Variants in ARHGAP9 observed in about 807,000 individuals in gnomAD.
ARHGAP9 encodes the protein Rho GTPase activating protein 9, also known as rho GTPase-activating protein 9.
Under a neutral mutation model 87.3 loss-of-function variants are expected in ARHGAP9, and 76 were observed. The observed-to-expected ratio is 0.87, with a 90% CI of 0.72 to 1.05. The LOEUF is 1.05. Among genes scored for constraint, ARHGAP9 ranks in the 50% least tolerant of loss-of-function variants. ARHGAP9 has a pLI of 0.00. For synonymous variants in ARHGAP9, 382 were observed against 394.9 expected (o/e 0.97, Z 0.39); for missense variants, 941 against 960.5 (o/e 0.98, Z 0.27).
At chr12:57,476,738 A>T (rs966319517) in intron 6 of ARHGAP9, 87 bp from the exon 7 acceptor site, 1 of 1,552,976 alleles carries the variant, frequency 6.4e-7, no homozygotes, top group Admixed American at 1.7e-5. Context: ...CCAGGAGTGA[A>T]GTCCCTTAAA....
At chr12:57,476,195 C>T (rs544002494) in intron 8 of ARHGAP9, 29 bp from the exon 9 acceptor site, 38 of 1,524,320 alleles carry the variant, frequency 2.5e-5, no homozygotes, top group African/African-American at 4.1e-5. Flanking sequence ...ACTGAGGCCA[C>T]GGTGTTGTTT....
chr12:57,479,262 C>A lies in ARHGAP9; in HGVS notation c.145G>T (p.Asp49Tyr). Residue 49 changes from aspartate to tyrosine, a missense_variant, in exon 2 of 18, where the codon GAT (aspartate) becomes TAT (tyrosine). Asp to Tyr is a radical substitution (Grantham distance 160). Transcript: ENST00000393791. ...DGQQVSLAEG[D>Y]RFLLLRKTNS... is the part of the protein sequence containing the mutation. ...GTCTTTCGAAGCAGTAGGAACCTAT[C>A]CCCTTCAGCCAGAGACACCTGCTGG... The A allele has an allele frequency of 6.2e-7, 1 of 1,614,226 alleles. No homozygotes were observed. The highest frequency in any genetic ancestry group is 2.2e-5 in the East Asian group (1 of 44,886).
At chr12:57,483,065 C>T (rs1875147754), upstream of ARHGAP9, among the ~76,000 whole-genome samples, 1 of 150,412 alleles carries the variant, frequency 6.6e-6, no homozygotes, top group Admixed American at 6.6e-5. Flanking sequence ...TGCCACTGCG[C>T]TCCAGCCTGG....
At chr12:57,485,222 C>T (rs765237777) in intron 1 of ARHGAP9, among the ~76,000 whole-genome samples, 1 of 151,304 alleles carries the variant, frequency 6.6e-6, no homozygotes, top group East Asian at 2.0e-4. Context: ...GCTAGGATTA[C>T]AGGCATGAAC....
At chr12:57,481,921 G>A (rs1471899309), upstream of ARHGAP9, among the ~76,000 whole-genome samples, 1 of 152,058 alleles carries the variant, frequency 6.6e-6, no homozygotes, top group Non-Finnish European at 1.5e-5. Context: ...TCTCTCCCCA[G>A]CTCAAATGAT....
At chr12:57,481,552 C>T (rs2139969632), upstream of ARHGAP9, among the ~76,000 whole-genome samples, 1 of 152,232 alleles carries the variant, frequency 6.6e-6, no homozygotes, top group South Asian at 2.1e-4. Context: ...AGTCCAGCCT[C>T]TCTCTTTCTT....
intron 10 of ARHGAP9, 103 bp downstream of exon 10, chr12:57,475,730 T>C (rs564363769): frequency 2.0e-6 from 3 of 1,492,726 alleles, no homozygotes; most frequent in African/African-American, 3.7e-5. Flanking sequence ...GGCTCTCCAC[T>C]GAGCCCACCC....
Position 57,475,909 on chromosome 12 carries a change from T to C in ARHGAP9, c.1235A>G (p.Glu412Gly). Residue 412 changes from glutamate (E) to glycine (G), a missense_variant, in exon 10 of 18, where the codon GAG becomes GGG. Glu to Gly is a moderately conservative substitution (Grantham distance 98). Coordinates refer to ENST00000393791, the MANE Select transcript of ARHGAP9 (RefSeq NM_032496.4). Reference sequence around the variant, plus strand: ...CTCGTGGTCCGACTGCAGCAGGAACTCGTGGCCAGGGATCGTGCGGATCTG... The same window carrying C: ...CTCGTGGTCCGACTGCAGCAGGAACCCGTGGCCAGGGATCGTGCGGATCTG... ...VLHIRTIPGH[E>G]FLLQSDHETE... 6.2e-7 allele frequency: 1 copy of C among 1,613,610 alleles called. No homozygotes were observed. The highest frequency in any genetic ancestry group is 8.5e-7 in the Non-Finnish European group (1 of 1,179,786).
chr12:57,475,426 G>A, intron 11 of ARHGAP9, 28 bp from the exon 12 acceptor site: 9 of 1,576,652 alleles, frequency 5.7e-6, no homozygotes, highest in Non-Finnish European at 7.7e-6. Flanking sequence ...AGCGGGGCGT[G>A]AGCGCCCGGG....
At position 57,476,505 on chromosome 12, in the gene ARHGAP9, T is replaced by G. The variant is rs371469741; in HGVS notation, c.1026-51A>C. The G allele has an allele frequency of 3.7e-6, 6 of 1,612,572 alleles. No individual in the cohort carries two copies. The Admixed American group carries it at 1.0e-4, about 27-fold the overall frequency. ...TGGTAGCGAACAGGTCATTCTAGAA[T>G]GACACGAGGAGGGTGCTCTTCCAAC... On this transcript the variant is annotated intron_variant, in intron 7 of 17. Coordinates refer to ENST00000393791, the MANE Select transcript of ARHGAP9 (RefSeq NM_032496.4).
intron 12 of ARHGAP9, 153 bp downstream of exon 12, chr12:57,475,138 G>T (rs1873103751): frequency 4.5e-6 from 5 of 1,113,410 alleles, no homozygotes; most frequent in East Asian, 2.6e-5. Context: ...AAACAATCTG[G>T]CAAAGGGGTA....
In ARHGAP9 at chr12:57,475,624, G is replaced by A; in HGVS notation, c.1312-9C>T. ...AGGGGGTTCTCCCGATCCTAGACCC[G>A]GGGCGGGCCGTGTCGAAGGTGAGAG... On this transcript the variant is annotated splice_polypyrimidine_tract_variant and intron_variant, in intron 10 of 17. Coordinates refer to ENST00000393791, the MANE Select transcript of ARHGAP9 (RefSeq NM_032496.4). 2 of 1,606,902 alleles carry A rather than the reference G, an allele frequency of 1.2e-6. No individual in the cohort carries two copies. The highest frequency in any genetic ancestry group is 1.7e-6 in the Non-Finnish European group (2 of 1,176,826).
At chr12:57,488,762 G>T in exon 1 of ARHGAP9, 1 of 1,135,336 alleles carries the variant, frequency 8.8e-7, no homozygotes, top group Non-Finnish European at 1.3e-6. Context: ...CTTGGCTGCA[G>T]CACTATCCCA....
At chr12:57,482,544 A>AT (rs958204696), upstream of ARHGAP9, among the ~76,000 whole-genome samples, 1 of 151,714 alleles carries the variant, frequency 6.6e-6, no homozygotes, top group Non-Finnish European at 1.5e-5. Flanking sequence ...CTGGCCAAAA[A>AT]TTTTTTTTAG....
At position 57,475,284 on chromosome 12, in the gene ARHGAP9, C is replaced by T. The variant is rs1259740800; in HGVS notation, c.1552+7G>A. On this transcript the variant is annotated splice_region_variant and intron_variant, in intron 12 of 17. Coordinates refer to ENST00000393791, the MANE Select transcript of ARHGAP9 (RefSeq NM_032496.4). ...TCTTATCCATGAACCTGGCCCAGCC[C>T]CCTCACCTCGGAGCAGACCCCGCTC... The T allele has an allele frequency of 6.3e-7, 1 of 1,579,492 alleles. No individual in the cohort carries two copies. Among genetic ancestry groups the T allele is most frequent in the Non-Finnish European group, 8.6e-7 (1 of 1,161,374 alleles).
At chr12:57,483,275 C>T (rs902433029), upstream of ARHGAP9, among the ~76,000 whole-genome samples, 2 of 152,172 alleles carry the variant, frequency 1.3e-5, no homozygotes, top group Non-Finnish European at 2.9e-5. Flanking sequence ...CCTCGCCACC[C>T]ACATTGATTC....
At chr12:57,481,013 C>T (rs1874949442), upstream of ARHGAP9, among the ~76,000 whole-genome samples, 1 of 152,150 alleles carries the variant, frequency 6.6e-6, no homozygotes, top group African/African-American at 2.4e-5. Flanking sequence ...TCTTCCTTCC[C>T]ACTTCCAAAA....
chr12:57,480,525 G>C (rs73121615), upstream of ARHGAP9, among the ~76,000 whole-genome samples: 180 of 152,294 alleles, frequency 1.2e-3, no homozygotes, highest in Non-Finnish European at 2.2e-3. Flanking sequence ...CCTCCTGCGT[G>C]CAAGGAGCAG....
Position 57,479,368 on chromosome 12 carries a change from G to A in ARHGAP9, c.39C>T (p.Ile13=). 1.2e-6 allele frequency: 2 copies of A among 1,613,832 alleles called. No homozygotes were observed. Among genetic ancestry groups the A allele is most frequent in the Non-Finnish European group, 1.7e-6 (2 of 1,179,904 alleles). The part of the protein sequence containing the change: ...SSRWWPSSWG[I]LGLGPRSPPR... ...GAGGGCTTCGGGGGCCCAGCCCTAGGATCCCCCAGGAACTTGGCCACCACC... is the reference window on the plus strand; with the variant it reads ...GAGGGCTTCGGGGGCCCAGCCCTAGAATCCCCCAGGAACTTGGCCACCACC... Residue 13 remains isoleucine, a synonymous_variant, in exon 2 of 18, where the codon ATC becomes ATT. Coordinates refer to ENST00000393791, the MANE Select transcript of ARHGAP9 (RefSeq NM_032496.4).
Sources: gnomAD v4.1 joint callset for allele counts (sites outside exome capture counted in the v4.1 genomes callset) on GRCh38, gnomAD v4.1.1 for gene constraint, MANE v1.5 for transcripts, NCBI Gene and HGNC (gene_info 2026-07-23, HGNC 2026-07-21) for gene names.